TTC13: variants seen among roughly 807,000 people sequenced by gnomAD.
TTC13 encodes the protein tetratricopeptide repeat protein 13.
In TTC13, 62 loss-of-function variants were observed where a neutral mutation model predicts 120.0. That is an observed-to-expected ratio of 0.52 (90% CI 0.42 to 0.64). The LOEUF is 0.64. Ranked by LOEUF, TTC13 falls within the 30% of genes least tolerant of loss-of-function variation. The pLI is 0.00. For missense variants in TTC13, 824 were observed against 1,050.2 expected, an observed-to-expected ratio of 0.78 and a Z score of 2.98; for synonymous variants, 384 against 393.5, an observed-to-expected ratio of 0.98 and a Z score of 0.28.
intron 1 of TTC13, among the ~76,000 whole-genome samples, chr1:230,977,953 C>A (rs1678515719): frequency 6.6e-6 from 1 of 152,224 alleles, no homozygotes; most frequent in South Asian, 2.1e-4. Context: ...CTGGGAGACA[C>A]CTGACAGATC....
At position 230,931,839 on chromosome 1, in the gene TTC13, T is replaced by C; in HGVS notation, c.1022A>G (p.Gln341Arg). 6.2e-7 allele frequency: 1 copy of C among 1,614,232 alleles called. No individual in the cohort carries two copies. Among genetic ancestry groups the C allele is most frequent in the Non-Finnish European group, 8.5e-7 (1 of 1,180,040 alleles). The change falls in exon 10 of 23, where the codon CAA becomes CGA. Residue 341 changes from glutamine (Q) to arginine (R), a missense_variant. Gln to Arg is a conservative substitution (Grantham distance 43, BLOSUM62 1). Around this residue, in one of 4 missense-constraint regions of TTC13, gnomAD observed 430 missense variants for 626.8 expected, o/e 0.69. Coordinates refer to ENST00000366661, the MANE Select transcript of TTC13 (RefSeq NM_024525.5). The part of the protein sequence containing the change: ...GNFEAATESF[Q>R]KALLLNQNHV... Reference sequence around the variant, plus strand: ...ATTTTGGTTGAGCAACAGTGCCTTTTGAAAGCTCTCAGTGGCTGCTTCAAA... The same window carrying C: ...ATTTTGGTTGAGCAACAGTGCCTTTCGAAAGCTCTCAGTGGCTGCTTCAAA...
At chr1:230,917,248 T>G (rs985431699) in intron 17 of TTC13, among the ~76,000 whole-genome samples, 2 of 152,152 alleles carry the variant, frequency 1.3e-5, no homozygotes, top group African/African-American at 4.8e-5. Flanking sequence ...TCTCATCTAA[T>G]CCTCACAACA....
In TTC13 at chr1:230,940,450, A is replaced by T; in HGVS notation, c.779T>A (p.Phe260Tyr). Reference sequence around the variant, plus strand: ...ACAAAAACCAGTCACCTCTGATATGAAGTACAGGGTTCCCCGATGTCTGTA... The same window carrying T: ...ACAAAAACCAGTCACCTCTGATATGTAGTACAGGGTTCCCCGATGTCTGTA... ...RLYRHRGTLYFISEDYATAHE... is the reference protein window; with the variant it reads ...RLYRHRGTLYYISEDYATAHE... Residue 260 changes from phenylalanine to tyrosine, a missense_variant, in exon 7 of 23, where the codon TTC (phenylalanine) becomes TAC (tyrosine). By Grantham distance (22) the Phe-to-Tyr change is conservative. Coordinates refer to ENST00000366661, the MANE Select transcript of TTC13 (RefSeq NM_024525.5). The surrounding 1 kb of genome is among the most constrained non-coding windows in gnomAD (Gnocchi z 4.1). 6.2e-7 allele frequency: 1 copy of T among 1,607,966 alleles called. No individual in the cohort carries two copies. Among genetic ancestry groups the T allele is most frequent in the Non-Finnish European group, 8.5e-7 (1 of 1,174,878 alleles).
intron 1 of TTC13, among the ~76,000 whole-genome samples, chr1:230,976,852 A>G (rs1356222332): frequency 6.6e-6 from 1 of 152,246 alleles, no homozygotes; most frequent in Non-Finnish European, 1.5e-5. Flanking sequence ...ATAAGCCACC[A>G]ACATCAATGA....
rs1357823694 is a variant in TTC13, at chr1:230,921,205, T to C, written c.1898+216A>G. Among the ~76,000 whole-genome samples, 5 of 152,154 alleles carry C rather than the reference T, an allele frequency of 3.3e-5. No homozygotes were observed. The East Asian group carries it at 5.8e-4, about 18-fold the overall frequency. ...AAAGAGACTAGAAAAGTCACAATAG[T>C]GCACATAAAGTTAAAAACACTTCAG... On this transcript the variant is annotated intron_variant, in intron 16 of 22. Coordinates refer to ENST00000366661, the MANE Select transcript of TTC13 (RefSeq NM_024525.5).
At position 230,958,256 on chromosome 1, in the gene TTC13, G is replaced by A. The variant is rs1211285700; in HGVS notation, c.410C>T (p.Ala137Val). 3.1e-6 allele frequency: 5 copies of A among 1,611,600 alleles called. No homozygotes were observed. Among genetic ancestry groups the A allele is most frequent in the Non-Finnish European group, 3.4e-6 (4 of 1,179,620 alleles). Residue 137 changes from alanine to valine, a missense_variant, in exon 3 of 23, where the codon GCC becomes GTC. Ala to Val is a moderately conservative substitution (Grantham distance 64). Coordinates refer to ENST00000366661, the MANE Select transcript of TTC13 (RefSeq NM_024525.5). ...TTCATTTGTGCTGTCATTATCAGTG[G>A]CAAACGGGAATCTCTTCTGTTCTGC... is the stretch of plus-strand genomic sequence containing the variant. ...SIAEQKRFPF[A>V]TDNDSTNEEL... is the part of the protein sequence containing the mutation.
intron 3 of TTC13, among the ~76,000 whole-genome samples, chr1:230,955,664 C>G (rs1572266011): frequency 8.7e-6 from 1 of 114,910 alleles, no homozygotes; most frequent in South Asian, 3.0e-4. Flanking sequence ...GAGAGAGACT[C>G]CATCTCAAAA....
At chr1:230,946,736 A>T (rs1330031138) in intron 4 of TTC13, among the ~76,000 whole-genome samples, 1 of 152,160 alleles carries the variant, frequency 6.6e-6, no homozygotes, top group Non-Finnish European at 1.5e-5. Flanking sequence ...CCATCAGTTC[A>T]CCACAGGGCC....
chr1:230,974,578 T>C (rs1028395676), intron 1 of TTC13, among the ~76,000 whole-genome samples: 6 of 152,204 alleles, frequency 3.9e-5, no homozygotes, highest in Admixed American at 2.6e-4. Flanking sequence ...AATGGGCTAT[T>C]CCATCTCGGT....
chr1:230,926,384 G>A (rs374823558), intron 12 of TTC13, among the ~76,000 whole-genome samples: 1 of 152,138 alleles, frequency 6.6e-6, no homozygotes, highest in South Asian at 2.1e-4. Context: ...GCGAACACGT[G>A]TAAAATGCTG....
intron 1 of TTC13, among the ~76,000 whole-genome samples, chr1:230,971,215 G>A (rs993759488): frequency 6.6e-6 from 1 of 151,676 alleles, no homozygotes; most frequent in Non-Finnish European, 1.5e-5. Flanking sequence ...GCGTGGTGGC[G>A]GGCGCCTGTA....
chr1:230,916,110 C>T, intron 18 of TTC13, 83 bp downstream of exon 18: 6 of 1,042,200 alleles, frequency 5.8e-6, no homozygotes, highest in Non-Finnish European at 9.1e-6. Flanking sequence ...AGTTCAACAC[C>T]ACAAAACTCT....
rs57051929 is a variant in TTC13, at chr1:230,948,400, C to CAAAAAAAA, written c.514-2954_514-2947dup. Among the ~76,000 whole-genome samples the CAAAAAAAA allele has an allele frequency of 2.0e-4, 19 of 96,592 alleles. 1 individual carries two copies. The highest frequency in any genetic ancestry group is 3.3e-4 in the Non-Finnish European group (16 of 49,220). The allele number at this position is 96,592 out of a possible 152,430, so 63.4% of individuals were successfully genotyped here. A position where few individuals can be genotyped will look rare whatever the true frequency, so the allele number is the denominator to read the frequency against. On this transcript the variant is annotated intron_variant, in intron 4 of 22. Coordinates refer to ENST00000366661, the MANE Select transcript of TTC13 (RefSeq NM_024525.5). ...CACTAAAGGGTAGCAACTCACAATACAAAAAAAAAAAAAAAAGGTAACATC... is the reference window on the plus strand; with the variant it reads ...CACTAAAGGGTAGCAACTCACAATACAAAAAAAAAAAAAAAAAAAAAAAAGGTAACATC...
intron 11 of TTC13, among the ~76,000 whole-genome samples, chr1:230,930,909 T>A (rs1197056352): frequency 6.6e-6 from 1 of 152,122 alleles, no homozygotes; most frequent in Non-Finnish European, 1.5e-5. Context: ...AGAGCAAGAC[T>A]CCATCTCAAA....
At chr1:230,937,743 TATA>T (rs1674192600) in intron 8 of TTC13, among the ~76,000 whole-genome samples, 2 of 152,264 alleles carry the variant, frequency 1.3e-5, no homozygotes, top group Admixed American at 1.3e-4. Flanking sequence ...TAAAATAATC[TATA>T]ATAATTAATA....
At chr1:230,957,159 A>T (rs1676165970) in intron 3 of TTC13, among the ~76,000 whole-genome samples, 1 of 152,220 alleles carries the variant, frequency 6.6e-6, no homozygotes, top group Non-Finnish European at 1.5e-5. Flanking sequence ...AAAGAATATC[A>T]CCATAAAGTA....
chr1:230,928,877 C>A, intron 12 of TTC13, 60 bp downstream of exon 12: 5 of 1,585,120 alleles, frequency 3.2e-6, no homozygotes, highest in Non-Finnish European at 4.3e-6. Context: ...GCCACCATGC[C>A]CAGCTTATAG....
intron 10 of TTC13, 77 bp from the exon 11 acceptor site, chr1:230,931,549 A>C: frequency 6.5e-7 from 1 of 1,547,610 alleles, no homozygotes; most frequent in Non-Finnish European, 8.8e-7. Context: ...CTCTGGAATT[A>C]GTTTTCCCTC....
intron 1 of TTC13, among the ~76,000 whole-genome samples, chr1:230,961,683 TG>T (rs1676649192): frequency 6.6e-6 from 1 of 152,178 alleles, no homozygotes; most frequent in Non-Finnish European, 1.5e-5. Flanking sequence ...CATTCTCAAA[TG>T]AGCAAAGCCA....
Sources: gnomAD v4.1 joint callset for allele counts (sites outside exome capture counted in the v4.1 genomes callset) on GRCh38, gnomAD v4.1.1 for gene constraint, gnomAD v4.1.1 regional missense constraint, Gnocchi (gnomAD v3.1) non-coding constraint, MANE v1.5 for transcripts, NCBI Gene and HGNC (gene_info 2026-07-23, HGNC 2026-07-21) for gene names.